The following EPHA6 variants were observed in gnomAD, a reference collection of about 807,000 sequenced individuals.
EPHA6 encodes ephrin type-A receptor 6.
Under a neutral mutation model 112.0 loss-of-function variants are expected in EPHA6, and 50 were observed. The observed-to-expected ratio is 0.45, with a 90% CI of 0.36 to 0.56. The LOEUF is 0.56. EPHA6 is among the 20% of genes least tolerant of loss of function. The probability of loss-of-function intolerance (pLI) is 0.00; values close to 1 mark genes in which losing one functional copy is unlikely to be tolerated. For missense variants in EPHA6, 1,280 were observed against 1,417.4 expected, an observed-to-expected ratio of 0.90 and a Z score of 1.56; for synonymous variants, 529 against 490.7, an observed-to-expected ratio of 1.08 and a Z score of -1.03.
intron 5 of EPHA6, among the ~76,000 whole-genome samples, chr3:97,275,750 T>C (rs146246727): frequency 6.6e-6 from 1 of 151,754 alleles, no homozygotes; most frequent in Non-Finnish European, 1.5e-5. Context: ...GTAAGGGTGA[T>C]TAGGTTTTAA....
chr3:97,235,895 T>C (rs2078665510), intron 4 of EPHA6, among the ~76,000 whole-genome samples: 1 of 152,102 alleles, frequency 6.6e-6, no homozygotes, highest in South Asian at 2.1e-4. Context: ...TTTATTGTTG[T>C]CCTTGTTGTT....
intron 5 of EPHA6, among the ~76,000 whole-genome samples, chr3:97,273,391 G>A (rs2079957762): frequency 6.6e-6 from 1 of 152,162 alleles, no homozygotes; most frequent in African/African-American, 2.4e-5. Context: ...ATGGTGAATA[G>A]GTGTATGACT....
At chr3:97,485,434 A>C (rs72930134) in intron 10 of EPHA6, among the ~76,000 whole-genome samples, 47 of 152,332 alleles carry the variant, frequency 3.1e-4, no homozygotes, top group African/African-American at 9.1e-4. Context: ...TTTCCCGGGT[A>C]CACAGAGAAG....
At chr3:97,725,477 A>T (rs930653629) in intron 15 of EPHA6, among the ~76,000 whole-genome samples, 1 of 152,136 alleles carries the variant, frequency 6.6e-6, no homozygotes, top group African/African-American at 2.4e-5. Context: ...CAGTTGTGCT[A>T]TCAGAAGGTG....
intron 12 of EPHA6, among the ~76,000 whole-genome samples, chr3:97,604,654 T>C (rs923804878): frequency 6.6e-6 from 1 of 151,602 alleles, no homozygotes; most frequent in Non-Finnish European, 1.5e-5. Context: ...TTTCAAAAAG[T>C]TTATGTAGAA....
intron 5 of EPHA6, among the ~76,000 whole-genome samples, chr3:97,255,256 A>T (rs2079273189): frequency 2.0e-5 from 3 of 151,994 alleles, no homozygotes; most frequent in Non-Finnish European, 2.9e-5. Context: ...AGAGGAGAAG[A>T]CTCATCTCCA....
rs112542431 is a variant in EPHA6 at position 96,996,841 on chromosome 3, G to C, written c.1114+8848G>C. 9.9e-5 allele frequency among the ~76,000 whole-genome samples: 15 copies of C among 152,156 alleles called. 1 individual carries two copies. Among genetic ancestry groups the C allele is most frequent in the African/African-American group, 3.6e-4 (15 of 41,526 alleles). On this transcript the variant is annotated intron_variant, in intron 3 of 17. Transcript: ENST00000389672. ...CCACTTAAACTCACAAGCTGCATTAGGTCCTAACAAGAGATCCAGCCTGTC... is the reference window on the plus strand; with the variant it reads ...CCACTTAAACTCACAAGCTGCATTACGTCCTAACAAGAGATCCAGCCTGTC...
chr3:97,222,209 A>G (rs979330298), intron 3 of EPHA6, among the ~76,000 whole-genome samples: 2 of 152,156 alleles, frequency 1.3e-5, no homozygotes, highest in Non-Finnish European at 1.5e-5. Context: ...ATGATCTGAG[A>G]GTTATATGCT....
intron 2 of EPHA6, among the ~76,000 whole-genome samples, chr3:96,901,497 T>C (rs1294849467): frequency 6.7e-6 from 1 of 150,052 alleles, no homozygotes; most frequent in African/African-American, 2.4e-5. Flanking sequence ...TTACTTGATA[T>C]TCTGTAGAAG....
intron 3 of EPHA6, among the ~76,000 whole-genome samples, chr3:97,186,718 A>G (rs1041180857): frequency 2.6e-5 from 4 of 152,128 alleles, no homozygotes; most frequent in African/African-American, 9.6e-5. Context: ...CTTGAGGATC[A>G]TTCATTTTTG....
chr3:96,985,980 C>G (rs1479653859), intron 2 of EPHA6, among the ~76,000 whole-genome samples: 1 of 152,054 alleles, frequency 6.6e-6, no homozygotes, highest in Non-Finnish European at 1.5e-5. Context: ...CAATAGAACC[C>G]TTATTCACTA....
chr3:97,356,644 T>A (rs2084093189), intron 5 of EPHA6, among the ~76,000 whole-genome samples: 1 of 152,244 alleles, frequency 6.6e-6, no homozygotes, highest in South Asian at 2.1e-4. Flanking sequence ...AACTTCACCC[T>A]ATTGTGCTCA....
At chr3:97,089,186 C>G (rs556532203) in intron 3 of EPHA6, among the ~76,000 whole-genome samples, 1 of 152,194 alleles carries the variant, frequency 6.6e-6, no homozygotes, top group South Asian at 2.1e-4. Flanking sequence ...ATTTGTGAAG[C>G]TGTACCAGTG....
chr3:97,190,171 A>G (rs149846722), intron 3 of EPHA6, among the ~76,000 whole-genome samples: 3 of 152,282 alleles, frequency 2.0e-5, no homozygotes, highest in African/African-American at 7.2e-5. Context: ...AACAGTATAC[A>G]GCAACCACCC....
intron 3 of EPHA6, among the ~76,000 whole-genome samples, chr3:96,990,337 G>T (rs2043169926): frequency 6.6e-6 from 1 of 152,036 alleles, no homozygotes; most frequent in Non-Finnish European, 1.5e-5. Flanking sequence ...TGTTTATCTA[G>T]AGCTTCTACT....
intron 12 of EPHA6, among the ~76,000 whole-genome samples, chr3:97,605,911 A>T (rs1336171624): frequency 2.6e-5 from 4 of 151,318 alleles, no homozygotes; most frequent in Non-Finnish European, 4.4e-5. Context: ...TTCATTTCTG[A>T]TTTATTTCAG....
chr3:97,521,942 A>G (rs891661078), intron 10 of EPHA6, among the ~76,000 whole-genome samples: 3 of 151,350 alleles, frequency 2.0e-5, no homozygotes, highest in Admixed American at 6.6e-5. Context: ...AAAAAAAAAA[A>G]AGACAAGGTT....
At chr3:97,099,637 G>C (rs2047346202) in intron 3 of EPHA6, among the ~76,000 whole-genome samples, 1 of 151,868 alleles carries the variant, frequency 6.6e-6, no homozygotes, top group Admixed American at 6.6e-5. Flanking sequence ...CTGGAATGTT[G>C]ATTAAAGTAG....
intron 2 of EPHA6, among the ~76,000 whole-genome samples, chr3:96,932,220 C>T (rs1037650184): frequency 4.6e-5 from 7 of 152,108 alleles, no homozygotes; most frequent in Admixed American, 2.0e-4. Flanking sequence ...CTGGATATTA[C>T]GGTTAAAGGT....
Sources: allele counts gnomAD v4.1 joint callset (sites outside exome capture counted in the v4.1 genomes callset), GRCh38; gene constraint gnomAD v4.1.1; transcripts MANE v1.5; gene names NCBI Gene and HGNC (gene_info 2026-07-23, HGNC 2026-07-21).